Variants in DIAPH2 observed in about 807,000 individuals in gnomAD.
DIAPH2 encodes diaphanous related formin 2, also known as protein diaphanous homolog 2.
DIAPH2 carries 35 observed loss-of-function variants against 92.7 expected under a neutral mutation model. The observed-to-expected ratio is 0.38, with a 90% confidence interval of 0.29 to 0.50. DIAPH2 has a LOEUF of 0.50. DIAPH2 is among the 20% of genes least tolerant of loss of function. DIAPH2 has a pLI of 0.94. For missense variants in DIAPH2, 701 were observed against 819.5 expected (o/e 0.86, Z 1.77); for synonymous variants, 301 against 280.4 (o/e 1.07, Z -0.73).
At chrX:97,250,905 A>C in intron 23 of DIAPH2, among the ~76,000 whole-genome samples, 1 of 111,988 alleles carries the variant, frequency 8.9e-6, no homozygotes, top group Non-Finnish European at 1.9e-5. Context: ...GAGGATCCAC[A>C]GCTTTTAAAG....
At chrX:97,251,725 T>C (rs1433709212) in intron 23 of DIAPH2, among the ~76,000 whole-genome samples, 1 of 111,839 alleles carries the variant, frequency 8.9e-6, no homozygotes, top group Non-Finnish European at 1.9e-5. Context: ...GCCCGGCCTA[T>C]GTGAAAGTCT....
At position 97,570,107 on chromosome X, in the gene DIAPH2, TA is replaced by T. The variant is rs766981366; in HGVS notation, c.3242-29145del. Among the ~76,000 whole-genome samples the T allele has an allele frequency of 4.3e-3, 139 of 32,025 alleles. 2 individuals carry two copies. Among genetic ancestry groups the T allele is most frequent in the Admixed American group, 9.1e-3 (18 of 1,969 alleles). The allele number at this position is 32,025 out of a possible 115,157, so 27.8% of individuals were successfully genotyped here. On this transcript the variant is annotated intron_variant, in intron 26 of 26. Coordinates refer to ENST00000324765, the MANE Select transcript of DIAPH2 (RefSeq NM_006729.5). ...ATATATATATATATATATATATATA[TA>T]TATATATATATATATTAGAAGATAG...
Position 97,604,906 on chromosome X carries a change from T to A in DIAPH2, c.*5589T>A, listed in dbSNP as rs2147893204. The A allele has an allele frequency of 8.9e-6, 1 of 112,442 alleles. No individual in the cohort carries two copies. 9.3% of individuals were successfully genotyped at this position (112,442 alleles called of 1,213,427 possible). On this transcript the variant is annotated 3_prime_UTR_variant, in exon 27 of 27. Coordinates refer to ENST00000324765, the MANE Select transcript of DIAPH2 (RefSeq NM_006729.5). Reference sequence around the variant, plus strand: ...TTTGTGCTGTCATTTCACCTTGGAATAAACACCTATCTCTAAGCAGGACCA... The same window carrying A: ...TTTGTGCTGTCATTTCACCTTGGAAAAAACACCTATCTCTAAGCAGGACCA...
intron 22 of DIAPH2, among the ~76,000 whole-genome samples, chrX:97,146,630 G>A (rs2067249896): frequency 1.8e-5 from 2 of 111,017 alleles, no homozygotes; most frequent in Non-Finnish European, 3.8e-5. Context: ...GAAGTATGTG[G>A]GTTCCATGGA....
intron 17 of DIAPH2, among the ~76,000 whole-genome samples, chrX:96,968,249 G>A (rs930876345): frequency 2.8e-5 from 3 of 108,840 alleles, no homozygotes; most frequent in Admixed American, 9.8e-5. Flanking sequence ...ACAGAGTTTC[G>A]CTCTTGCTGC....
chrX:96,804,993 A>G (rs1488768681), intron 4 of DIAPH2, among the ~76,000 whole-genome samples: 1 of 111,032 alleles, frequency 9.0e-6, no homozygotes, highest in African/African-American at 3.3e-5. Context: ...ATTCTTTAAT[A>G]TTCTCTAACA....
intron 24 of DIAPH2, among the ~76,000 whole-genome samples, chrX:97,367,819 C>A (rs1213568152): frequency 9.1e-6 from 1 of 110,076 alleles, no homozygotes; most frequent in East Asian, 2.8e-4. Flanking sequence ...TCTCCTGCCT[C>A]AGCCTCCCAA....
At chrX:97,322,903 C>CTT (rs1160046333) in intron 23 of DIAPH2, among the ~76,000 whole-genome samples, 897 of 76,865 alleles carry the variant, frequency 0.012, 24 homozygotes, top group African/African-American at 0.037. Context: ...TATCCCAGTT[C>CTT]TTTTTTTTTT....
At position 97,115,022 on chromosome X, in the gene DIAPH2, G is replaced by A; in HGVS notation, c.2589+57G>A. 11 of 1,049,253 alleles carry A rather than the reference G, an allele frequency of 1.0e-5. No homozygotes were observed. The South Asian group carries it at 3.2e-4, about 30-fold the overall frequency. The allele number at this position is 1,049,253 out of a possible 1,213,427, so 86.5% of individuals were successfully genotyped here. A position where few individuals can be genotyped will look rare whatever the true frequency, so the allele number is the denominator to read the frequency against. ...ACAATAATCTTCTTGTCTATGAAAG[G>A]TGATACTGCAAATAGCAATCGTACA... On this transcript the variant is annotated intron_variant, in intron 21 of 26. Coordinates refer to ENST00000324765, the MANE Select transcript of DIAPH2 (RefSeq NM_006729.5).
chrX:96,711,011 C>T (rs770365388), intron 1 of DIAPH2, among the ~76,000 whole-genome samples: 76 of 112,228 alleles, frequency 6.8e-4, no homozygotes, highest in African/African-American at 2.2e-3. Context: ...CTGCAAATGC[C>T]ATTATTTCAT....
chrX:96,785,668 G>T (rs901372540), intron 4 of DIAPH2, among the ~76,000 whole-genome samples: 21 of 107,791 alleles, frequency 1.9e-4, no homozygotes, highest in African/African-American at 6.8e-4. Flanking sequence ...GTAGAGATGG[G>T]GTTTCATCAT....
chrX:97,308,660 G>A (rs144694312), intron 23 of DIAPH2, among the ~76,000 whole-genome samples: 3,031 of 84,322 alleles, frequency 0.036, 74 homozygotes, highest in Non-Finnish European at 0.052. Flanking sequence ...TCGCACTGTC[G>A]TCCAGGCTGG....
Position 96,694,208 on chromosome X carries a change from A to G in DIAPH2, c.132+9018A>G, listed in dbSNP as rs553040090. Among the ~76,000 whole-genome samples, 5 of 112,001 alleles carry G rather than the reference A, an allele frequency of 4.5e-5. No individual in the cohort carries two copies. The East Asian group carries it at 8.4e-4, about 19-fold the overall frequency. On this transcript the variant is annotated intron_variant, in intron 1 of 26. Transcript: ENST00000324765. ...TTCAGTATGTTCATTATCTTCCCCA[A>G]CTTAAGGGTTGAGTTCTGTTATAGC...
At chrX:97,342,070 C>T (rs1160882356) in intron 23 of DIAPH2, among the ~76,000 whole-genome samples, 1 of 112,266 alleles carries the variant, frequency 8.9e-6, no homozygotes, top group Non-Finnish European at 1.9e-5. Context: ...TTCACTATTA[C>T]ATATATAGCT....
chrX:97,598,956 T>C (rs1481067083), intron 26 of DIAPH2, among the ~76,000 whole-genome samples: 1 of 112,122 alleles, frequency 8.9e-6, no homozygotes, highest in Non-Finnish European at 1.9e-5. Flanking sequence ...TACCAAAGAA[T>C]TTTGTTGTTG....
intron 24 of DIAPH2, among the ~76,000 whole-genome samples, chrX:97,355,016 T>C (rs760280885): frequency 8.9e-6 from 1 of 112,379 alleles, no homozygotes; most frequent in South Asian, 3.7e-4. Context: ...CACTCTTACG[T>C]TAATTCTCAG....
intron 4 of DIAPH2, among the ~76,000 whole-genome samples, chrX:96,859,044 G>A (rs181771053): frequency 2.1e-3 from 239 of 111,815 alleles, no homozygotes; most frequent in Admixed American, 3.7e-3. Context: ...TTAGGAGGAA[G>A]ATAAGTCAAT....
At chrX:97,160,742 G>C (rs142383181) in intron 22 of DIAPH2, among the ~76,000 whole-genome samples, 1 of 111,514 alleles carries the variant, frequency 9.0e-6, no homozygotes, top group Non-Finnish European at 1.9e-5. Flanking sequence ...CCATTTTTAG[G>C]TATGCTAGTT....
intron 23 of DIAPH2, among the ~76,000 whole-genome samples, chrX:97,283,796 G>T (rs1352622848): frequency 8.9e-6 from 1 of 111,990 alleles, no homozygotes; most frequent in Admixed American, 9.5e-5. Context: ...TACAAAATTA[G>T]CCAGATGTGG....
Sources: allele counts gnomAD v4.1 joint callset (sites outside exome capture counted in the v4.1 genomes callset), GRCh38; gene constraint gnomAD v4.1.1; transcripts MANE v1.5; gene names NCBI Gene and HGNC (gene_info 2026-07-23, HGNC 2026-07-21).